Variants in CDH2 observed in about 807,000 individuals in gnomAD.
The protein encoded by CDH2 is cadherin 2, also known as cadherin-2.
In CDH2, 17 loss-of-function variants were observed where a neutral mutation model predicts 92.0. The ratio of observed to expected loss-of-function variants is 0.18; its 90% CI spans 0.13 to 0.28. The LOEUF (loss-of-function observed/expected upper bound fraction) is 0.28. CDH2 is among the 10% of genes least tolerant of loss of function. The pLI is 1.00. For synonymous variants in CDH2, 419 were observed against 415.9 expected, an observed-to-expected ratio of 1.01 and a Z score of -0.09; for missense variants, 862 against 1,133.1, an observed-to-expected ratio of 0.76 and a Z score of 3.44.
chr18:28,176,013 G>A (rs1002677531), intron 1 of CDH2, among the ~76,000 whole-genome samples: 1 of 152,236 alleles, frequency 6.6e-6, no homozygotes, highest in Non-Finnish European at 1.5e-5. Flanking sequence ...GGTTGGAGGC[G>A]GCGGAAAGTT....
At chr18:28,127,063 G>A (rs2015689553) in intron 2 of CDH2, among the ~76,000 whole-genome samples, 1 of 152,108 alleles carries the variant, frequency 6.6e-6, no homozygotes, top group South Asian at 2.1e-4. Context: ...GTGGACCCAC[G>A]CATGAGTTCT....
Position 28,166,454 on chromosome 18 carries a change from G to T in CDH2, c.60+10509C>A, listed in dbSNP as rs187958919. Among the ~76,000 whole-genome samples the T allele has an allele frequency of 9.2e-5, 14 of 151,674 alleles. No individual in the cohort carries two copies. The East Asian group carries it at 2.7e-3, about 29-fold the overall frequency. On this transcript the variant is annotated intron_variant, in intron 1 of 15. Coordinates refer to ENST00000269141, the MANE Select transcript of CDH2 (RefSeq NM_001792.5). The stretch of plus-strand genomic sequence containing the variant: ...AATTTAACTCAGTTTCATTTACAAG[G>T]TACTTAATTCTAAATCAATTTGTAA...
intron 2 of CDH2, among the ~76,000 whole-genome samples, chr18:28,123,120 G>A (rs2015619569): frequency 6.6e-6 from 1 of 152,030 alleles, no homozygotes; most frequent in Admixed American, 6.6e-5. Flanking sequence ...ATCCCAAATA[G>A]TCTAAAATAC....
intron 5 of CDH2, 68 bp downstream of exon 5, chr18:28,009,649 G>A (rs894338235): frequency 1.2e-5 from 17 of 1,399,318 alleles, no homozygotes; most frequent in Middle Eastern, 4.4e-4. Context: ...GATATAAGAG[G>A]CAATGGTAAA....
At position 27,975,907 on chromosome 18, in the gene CDH2, A is replaced by T. The variant is rs113817229; in HGVS notation, c.2349+7037T>A. Among the ~76,000 whole-genome samples, 779 of 152,224 alleles carry T rather than the reference A, an allele frequency of 5.1e-3. 2 individuals carry two copies. Among genetic ancestry groups the T allele is most frequent in the Non-Finnish European group, 8.1e-3 (550 of 68,014 alleles). Reference sequence around the variant, plus strand: ...GGAAGGGCAGGTCGCTCTCCCCTGAAGTCAAGTCACCTCTCTGCCCCTCTC... The same window carrying T: ...GGAAGGGCAGGTCGCTCTCCCCTGATGTCAAGTCACCTCTCTGCCCCTCTC... On this transcript the variant is annotated intron_variant, in intron 14 of 15. Coordinates refer to ENST00000269141, the MANE Select transcript of CDH2 (RefSeq NM_001792.5).
chr18:28,030,908 T>C (rs998331610), intron 2 of CDH2, among the ~76,000 whole-genome samples: 12 of 151,882 alleles, frequency 7.9e-5, no homozygotes, highest in African/African-American at 2.9e-4. Flanking sequence ...GTTTCCCCCA[T>C]CCCATTGATG....
At chr18:27,955,452 G>T (rs945255903) in intron 15 of CDH2, among the ~76,000 whole-genome samples, 26 of 150,654 alleles carry the variant, frequency 1.7e-4, no homozygotes, top group Non-Finnish European at 2.2e-4. Context: ...GCCCGAAAGG[G>T]TCAATGGCAA....
At chr18:28,090,155 C>T (rs750108974) in intron 2 of CDH2, among the ~76,000 whole-genome samples, 3 of 152,166 alleles carry the variant, frequency 2.0e-5, no homozygotes, top group Non-Finnish European at 2.9e-5. Flanking sequence ...TATACACAAA[C>T]ACAGAGCTAT....
At chr18:28,021,059 C>G (rs926209079) in intron 2 of CDH2, among the ~76,000 whole-genome samples, 3 of 151,854 alleles carry the variant, frequency 2.0e-5, no homozygotes, top group Non-Finnish European at 2.9e-5. Context: ...GTCTCGTTGT[C>G]AATATCCCCA....
intron 1 of CDH2, among the ~76,000 whole-genome samples, chr18:28,148,912 A>C (rs2016079330): frequency 6.6e-6 from 1 of 152,262 alleles, no homozygotes; most frequent in Non-Finnish European, 1.5e-5. Flanking sequence ...TTCAAATCCA[A>C]GAAAATAAGA....
At chr18:28,014,701 C>G (rs1279192718) in intron 2 of CDH2, among the ~76,000 whole-genome samples, 4 of 151,606 alleles carry the variant, frequency 2.6e-5, no homozygotes, top group Non-Finnish European at 5.9e-5. Flanking sequence ...TGTGTCTTAT[C>G]TCTATCATAC....
chr18:28,045,951 A>T (rs2014066358), intron 2 of CDH2, among the ~76,000 whole-genome samples: 1 of 152,218 alleles, frequency 6.6e-6, no homozygotes, highest in Non-Finnish European at 1.5e-5. Context: ...CTATCACTGG[A>T]CCGACAATGA....
intron 2 of CDH2, chr18:28,146,616 T>C (rs930261223): frequency 6.6e-6 from 1 of 152,088 alleles, no homozygotes; most frequent in African/African-American, 2.4e-5. Context: ...TAAAATAAAA[T>C]GTAACCTGCA....
At chr18:28,045,050 G>T (rs1052884812) in intron 2 of CDH2, among the ~76,000 whole-genome samples, 2 of 151,986 alleles carry the variant, frequency 1.3e-5, no homozygotes, top group Admixed American at 6.6e-5. Context: ...AATTCAAAAA[G>T]AAAAATTAAC....
intron 2 of CDH2, among the ~76,000 whole-genome samples, chr18:28,099,977 A>C (rs1196591218): frequency 6.6e-6 from 1 of 152,160 alleles, no homozygotes; most frequent in Non-Finnish European, 1.5e-5. Context: ...ATGAAAACTT[A>C]AGTTTGTTTA....
chr18:28,011,970 A>T lies in CDH2; in HGVS notation c.422T>A (p.Ile141Lys). The T allele has an allele frequency of 6.2e-7, 1 of 1,613,808 alleles. No individual in the cohort carries two copies. Among genetic ancestry groups the T allele is most frequent in the Non-Finnish European group, 8.5e-7 (1 of 1,179,830 alleles). Residue 141 changes from isoleucine to lysine, a missense_variant, in exon 4 of 16, where the codon ATA becomes AAA. Physicochemically the swap from Ile to Lys is moderately radical, Grantham distance 102 (BLOSUM62 -3). Coordinates refer to ENST00000269141, the MANE Select transcript of CDH2 (RefSeq NM_001792.5). ...CTTACTGAATTGTCTTGGGAACACT[A>T]TTTCTTCAACTTCTGCTGACTCCTT... ...SVKESAEVEE[I>K]VFPRQFSKHS...
intron 1 of CDH2, among the ~76,000 whole-genome samples, chr18:28,154,510 A>C (rs2016177617): frequency 1.3e-5 from 2 of 152,234 alleles, no homozygotes; most frequent in Admixed American, 6.5e-5. Flanking sequence ...ACAGAAGTGT[A>C]ATAGGAGTTG....
chr18:27,988,473 A>T, intron 11 of CDH2, 51 bp downstream of exon 11: 1 of 1,526,248 alleles, frequency 6.6e-7, no homozygotes, highest in Non-Finnish European at 9.0e-7. Context: ...AGCATGCATG[A>T]TGAGGATCTA....
chr18:27,935,611 G>A (rs1161075034), intron 6 of CDH2, among the ~76,000 whole-genome samples: 1 of 152,104 alleles, frequency 6.6e-6, no homozygotes, highest in Non-Finnish European at 1.5e-5. Context: ...GTAGAATTGG[G>A]TCCATTCCAC....
Sources: gnomAD v4.1 joint callset for allele counts (sites outside exome capture counted in the v4.1 genomes callset) on GRCh38, gnomAD v4.1.1 for gene constraint, MANE v1.5 for transcripts, NCBI Gene and HGNC (gene_info 2026-07-23, HGNC 2026-07-21) for gene names.